Variants in NR5A2 observed in about 807,000 individuals in gnomAD.
NR5A2 encodes the protein nuclear receptor subfamily 5 group A member 2.
NR5A2 carries 26 observed loss-of-function variants against 62.7 expected under a neutral mutation model. The observed-to-expected ratio is 0.41, with a 90% confidence interval of 0.30 to 0.58. The LOEUF (loss-of-function observed/expected upper bound fraction) is 0.58. Ranked by LOEUF, NR5A2 falls within the 20% of genes least tolerant of loss-of-function variation. The pLI is 0.22. For missense variants in NR5A2, 541 were observed against 669.1 expected (o/e 0.81, Z 2.11); for synonymous variants, 246 against 241.7 (o/e 1.02, Z -0.16).
chr1:200,061,472 T>A (rs1420725739), intron 5 of NR5A2, among the ~76,000 whole-genome samples: 1 of 152,016 alleles, frequency 6.6e-6, no homozygotes, highest in African/African-American at 2.4e-5. Context: ...GAGACAAGAC[T>A]TCTCCATATT....
At chr1:200,076,619 T>C (rs1045152098) in intron 5 of NR5A2, among the ~76,000 whole-genome samples, 1 of 152,220 alleles carries the variant, frequency 6.6e-6, no homozygotes, top group Non-Finnish European at 1.5e-5. Context: ...TTACTGAGAA[T>C]AGTAAATACC....
intron 5 of NR5A2, among the ~76,000 whole-genome samples, chr1:200,094,726 G>T (rs1281503360): frequency 6.6e-6 from 1 of 151,388 alleles, no homozygotes; most frequent in Non-Finnish European, 1.5e-5. Flanking sequence ...TAGAGACGGG[G>T]TTTCGCTGTG....
At chr1:200,145,631 T>C (rs550454953) in intron 7 of NR5A2, among the ~76,000 whole-genome samples, 1 of 152,232 alleles carries the variant, frequency 6.6e-6, no homozygotes, top group Admixed American at 6.5e-5. Flanking sequence ...GCAGGTTTGT[T>C]TGATTATTTT....
intron 5 of NR5A2, among the ~76,000 whole-genome samples, chr1:200,051,019 A>G (rs541298396): frequency 6.6e-6 from 1 of 152,354 alleles, no homozygotes; most frequent in African/African-American, 2.4e-5. Flanking sequence ...ACATTGGCAA[A>G]AACTATTACA....
rs1374411531 is a variant in NR5A2, at chr1:200,176,703, A to G, written c.*2493A>G. ...TTAAGAGGCGGGATCTTGATCTCAC[A>G]TGTTGCCCAGGCTGGCCTTGAACTC... On this transcript the variant is annotated 3_prime_UTR_variant, in exon 8 of 8. Transcript: ENST00000367362. 6.6e-6 allele frequency: 1 copy of G among 152,118 alleles called. No individual in the cohort carries two copies. The highest frequency in any genetic ancestry group is 2.4e-5 in the African/African-American group (1 of 41,396). 9.4% of individuals were successfully genotyped at this position (152,118 alleles called of 1,614,324 possible).
chr1:200,038,721 G>A, intron 1 of NR5A2: 1 of 1,366,102 alleles, frequency 7.3e-7, no homozygotes, highest in Non-Finnish European at 9.8e-7. Context: ...TTGCCGCTCT[G>A]GCTGCTTCTC....
At chr1:200,114,332 GAAAA>G (rs903494249) in intron 6 of NR5A2, among the ~76,000 whole-genome samples, 2 of 150,406 alleles carry the variant, frequency 1.3e-5, no homozygotes, top group African/African-American at 2.4e-5. Flanking sequence ...GAAGGAGGCA[GAAAA>G]AAAAGAAAAA....
At chr1:200,029,105 C>T in intron 1 of NR5A2, 1 of 444,448 alleles carries the variant, frequency 2.2e-6, no homozygotes. Flanking sequence ...TTTCGTCGGG[C>T]AGAACCGCCG....
At chr1:200,073,452 T>C (rs1663849395) in intron 5 of NR5A2, among the ~76,000 whole-genome samples, 1 of 151,504 alleles carries the variant, frequency 6.6e-6, no homozygotes, top group South Asian at 2.1e-4. Flanking sequence ...GTCTCTGGTA[T>C]AAAAATGGCA....
chr1:200,147,779 TGC>T lies in NR5A2; in HGVS notation c.1379-26183_1379-26182del, dbSNP rs1667779521. 1.2e-5 allele frequency: 4 copies of T among 330,310 alleles called. No homozygotes were observed. The highest frequency in any genetic ancestry group is 5.8e-4 in the Middle Eastern group (1 of 1,716). The allele number at this position is 330,310 out of a possible 1,614,324, so 20.5% of individuals were successfully genotyped here. On this transcript the variant is annotated intron_variant, in intron 7 of 7. Transcript: ENST00000367362. This position sits in a 1 kb window ranked among gnomAD's most constrained non-coding sequence, Gnocchi z 4.9. ...ATGCCGGCGCGAATGCCGGCACGGA[TGC>T]CGGCACGGTGGGCAGCCGCCGTGGC...
chr1:200,060,595 G>T (rs1430207720), intron 5 of NR5A2, among the ~76,000 whole-genome samples: 1 of 152,284 alleles, frequency 6.6e-6, no homozygotes, highest in South Asian at 2.1e-4. Context: ...TTTCAAATAG[G>T]TGTAAGGGTT....
At chr1:200,054,629 CAG>C in intron 5 of NR5A2, among the ~76,000 whole-genome samples, 1 of 152,236 alleles carries the variant, frequency 6.6e-6, no homozygotes, top group Admixed American at 6.5e-5. Flanking sequence ...CTCAGAGACT[CAG>C]GGAGTTTGTG....
chr1:200,107,386 A>G (rs1207779802), intron 5 of NR5A2, among the ~76,000 whole-genome samples: 1 of 152,162 alleles, frequency 6.6e-6, no homozygotes, highest in Admixed American at 6.5e-5. Flanking sequence ...GGAAGGCAGA[A>G]CAATAAGCAA....
chr1:200,139,734 T>C (rs1477073726), intron 7 of NR5A2, among the ~76,000 whole-genome samples: 2 of 152,248 alleles, frequency 1.3e-5, no homozygotes, highest in East Asian at 1.9e-4. Flanking sequence ...TATTAGAAAG[T>C]TGCCTCTTGG....
At chr1:200,106,064 CTTTT>C (rs11411913) in intron 5 of NR5A2, among the ~76,000 whole-genome samples, 1 of 147,568 alleles carries the variant, frequency 6.8e-6, no homozygotes, top group Non-Finnish European at 1.5e-5. Context: ...ATTCACTCTT[CTTTT>C]TTTTTTTGAG....
intron 7 of NR5A2, among the ~76,000 whole-genome samples, chr1:200,169,301 AT>A (rs1272097229): frequency 3.3e-5 from 5 of 152,182 alleles, no homozygotes; most frequent in Non-Finnish European, 5.9e-5. Context: ...AGACTAAGGA[AT>A]TTTTTCCCAC....
chr1:200,082,424 A>G (rs987763141), intron 5 of NR5A2, among the ~76,000 whole-genome samples: 1 of 152,162 alleles, frequency 6.6e-6, no homozygotes, highest in Non-Finnish European at 1.5e-5. Flanking sequence ...TCATCTGGCC[A>G]TTGGTGTCTT....
At chr1:200,038,572 AC>A in intron 1 of NR5A2, 1 of 539,288 alleles carries the variant, frequency 1.9e-6, no homozygotes. Context: ...GCATGTAAGA[AC>A]GGTCAGCTAA....
chr1:200,112,236 A>C (rs1483215613), intron 6 of NR5A2, among the ~76,000 whole-genome samples: 1 of 152,212 alleles, frequency 6.6e-6, no homozygotes, highest in African/African-American at 2.4e-5. Context: ...AGGAGGAGAG[A>C]CAGCTTTGTG....
Sources: gnomAD v4.1 joint callset for allele counts (sites outside exome capture counted in the v4.1 genomes callset) on GRCh38, gnomAD v4.1.1 for gene constraint, Gnocchi (gnomAD v3.1) non-coding constraint, MANE v1.5 for transcripts, NCBI Gene and HGNC (gene_info 2026-07-23, HGNC 2026-07-21) for gene names.